The following RCBTB2 variants were observed in gnomAD, a reference collection of about 807,000 sequenced individuals.
RCBTB2 encodes the protein RCC1 and BTB domain containing protein 2, also known as RCC1 and BTB domain-containing protein 2.
RCBTB2 carries 55 observed loss-of-function variants against 65.4 expected under a neutral mutation model. The observed-to-expected ratio is 0.84, with a 90% confidence interval of 0.68 to 1.05. RCBTB2 has a LOEUF of 1.05. RCBTB2 is among the 50% of genes least tolerant of loss of function. The probability of loss-of-function intolerance (pLI) is 0.00; values close to 1 mark genes in which losing one functional copy is unlikely to be tolerated. For missense variants in RCBTB2, 599 were observed against 680.1 expected, an observed-to-expected ratio of 0.88 and a Z score of 1.33; for synonymous variants, 220 against 255.2, an observed-to-expected ratio of 0.86 and a Z score of 1.31.
chr13:48,511,600 T>C lies in RCBTB2; in HGVS notation c.783+170A>G, dbSNP rs1305855032. ...ACAGTGCCCTGGAAGAGAAATTTTC[T>C]GAACAGCTGCAATTTAATTCAAGGA... On this transcript the variant is annotated intron_variant, in intron 9 of 14. Coordinates refer to ENST00000344532, the MANE Select transcript of RCBTB2 (RefSeq NM_001268.4). Among the ~76,000 whole-genome samples the C allele has an allele frequency of 3.3e-5, 5 of 152,364 alleles. No homozygotes were observed. In the East Asian group the frequency reaches 9.6e-4, roughly 29 times the overall value.
At chr13:48,494,674 G>T (rs1198788964) in intron 14 of RCBTB2, among the ~76,000 whole-genome samples, 4 of 152,156 alleles carry the variant, frequency 2.6e-5, no homozygotes, top group Non-Finnish European at 4.4e-5. Flanking sequence ...AACACCACGT[G>T]CCACCATCTT....
At chr13:48,502,470 G>A (rs189229935) in intron 11 of RCBTB2, among the ~76,000 whole-genome samples, 1 of 151,970 alleles carries the variant, frequency 6.6e-6, no homozygotes, top group Admixed American at 6.6e-5. Flanking sequence ...TCCAGCCTGG[G>A]CAACAGAGCA....
intron 14 of RCBTB2, among the ~76,000 whole-genome samples, chr13:48,495,826 T>G (rs1949942052): frequency 6.6e-6 from 1 of 152,244 alleles, no homozygotes; most frequent in Non-Finnish European, 1.5e-5. Context: ...GTCCATTTCT[T>G]TCAACCAAAC....
intron 10 of RCBTB2, among the ~76,000 whole-genome samples, chr13:48,504,071 C>T (rs1566278014): frequency 6.6e-6 from 1 of 152,176 alleles, no homozygotes. Flanking sequence ...TCATTTACCA[C>T]TTTCTTTAGA....
At chr13:48,525,945 A>AT (rs1566332801) in intron 1 of RCBTB2, among the ~76,000 whole-genome samples, 1 of 152,098 alleles carries the variant, frequency 6.6e-6, no homozygotes, top group Non-Finnish European at 1.5e-5. Flanking sequence ...TTTGATGGGA[A>AT]TTTTTTCGTG....
At position 48,493,684 on chromosome 13, in the gene RCBTB2, G is replaced by C. The variant is rs75920133; in HGVS notation, c.1515+2507C>G. Among the ~76,000 whole-genome samples, 1,255 of 152,048 alleles carry C rather than the reference G, an allele frequency of 8.3e-3. 14 individuals are homozygous for C. Among genetic ancestry groups the C allele is most frequent in the African/African-American group, 0.029 (1,198 of 41,476 alleles). ...TCTCTGCTTGAGTCACCTGCTCACT[G>C]ATGTCTTGCCTCCCTGACCATTCTA... On this transcript the variant is annotated intron_variant, in intron 14 of 14. Transcript: ENST00000344532.
intron 10 of RCBTB2, among the ~76,000 whole-genome samples, chr13:48,505,859 C>T (rs1950475849): frequency 6.6e-6 from 1 of 152,262 alleles, no homozygotes; most frequent in East Asian, 1.9e-4. Context: ...GAGCTGAGAA[C>T]CGAAAAAGGC....
At chr13:48,498,097 C>T (rs1050086313) in intron 13 of RCBTB2, among the ~76,000 whole-genome samples, 17 of 152,184 alleles carry the variant, frequency 1.1e-4, no homozygotes, top group African/African-American at 3.9e-4. Context: ...AATGTGCAGA[C>T]CCCCTGGCCC....
Position 48,522,324 on chromosome 13 carries a change from C to T in RCBTB2, c.-40G>A. 6.5e-7 allele frequency: 1 copy of T among 1,529,030 alleles called. No individual in the cohort carries two copies. Among genetic ancestry groups the T allele is most frequent in the South Asian group, 1.2e-5 (1 of 83,912 alleles). The allele number at this position is 1,529,030 out of a possible 1,614,324, so 94.7% of individuals were successfully genotyped here. A position where few individuals can be genotyped will look rare whatever the true frequency, so the allele number is the denominator to read the frequency against. On this transcript the variant is annotated 5_prime_UTR_variant, in exon 3 of 15. Transcript: ENST00000344532. ...ATTTTAGACCTTTGTCAACTTTTCTCTGGGATTGGAAAGTTCCAAATCACG... is the reference window on the plus strand; with the variant it reads ...ATTTTAGACCTTTGTCAACTTTTCTTTGGGATTGGAAAGTTCCAAATCACG...
chr13:48,515,053 C>T (rs9331991), intron 6 of RCBTB2, 152 bp downstream of exon 6: 97,475 of 703,070 alleles, frequency 0.14, 7,621 homozygotes, highest in East Asian at 0.22. Flanking sequence ...TGCCACATCA[C>T]CTTATGCTGG....
chr13:48,507,756 G>T (rs1950577666), intron 10 of RCBTB2, among the ~76,000 whole-genome samples: 1 of 152,160 alleles, frequency 6.6e-6, no homozygotes, highest in African/African-American at 2.4e-5. Context: ...AGAAGTCAAA[G>T]AATTCTCAGA....
chr13:48,504,733 A>C (rs1950406972), intron 10 of RCBTB2, among the ~76,000 whole-genome samples: 1 of 152,266 alleles, frequency 6.6e-6, no homozygotes, highest in Non-Finnish European at 1.5e-5. Flanking sequence ...ACTCAACAAC[A>C]CAGAGCAAAG....
intron 7 of RCBTB2, 120 bp downstream of exon 7, chr13:48,512,609 T>C: frequency 1.2e-6 from 1 of 857,040 alleles, no homozygotes; most frequent in South Asian, 1.9e-5. Context: ...CTACCAAAAA[T>C]AAGGCTGAAT....
chr13:48,524,924 T>G (rs1226112152), intron 1 of RCBTB2, among the ~76,000 whole-genome samples, 167 bp from the exon 2 acceptor site: 1 of 152,148 alleles, frequency 6.6e-6, no homozygotes, highest in Admixed American at 6.5e-5. Flanking sequence ...TGCTCTATTA[T>G]AAAAATACTA....
intron 14 of RCBTB2, among the ~76,000 whole-genome samples, 159 bp from the exon 15 acceptor site, chr13:48,490,410 G>C (rs1428775805): frequency 6.6e-6 from 1 of 152,202 alleles, no homozygotes; most frequent in Non-Finnish European, 1.5e-5. Flanking sequence ...GTCATAAAAA[G>C]TATAACAAGT....
chr13:48,533,001 TC>T (rs1192078320), intron 1 of RCBTB2, 26 bp downstream of exon 1: 7 of 455,358 alleles, frequency 1.5e-5, no homozygotes, highest in Non-Finnish European at 3.1e-5. Flanking sequence ...CCCCTCGGCC[TC>T]CCACACCACT....
chr13:48,492,894 C>T (rs895390466), intron 14 of RCBTB2, among the ~76,000 whole-genome samples: 1 of 152,174 alleles, frequency 6.6e-6, no homozygotes, highest in Non-Finnish European at 1.5e-5. Context: ...CTTGCTTATC[C>T]AATTTGCTTA....
At position 48,490,019 on chromosome 13, in the gene RCBTB2, T is replaced by C; in HGVS notation, c.*92A>G. 7.3e-7 allele frequency: 1 copy of C among 1,376,882 alleles called. No homozygotes were observed. Among genetic ancestry groups the C allele is most frequent in the Non-Finnish European group, 1.0e-6 (1 of 969,890 alleles). The allele number at this position is 1,376,882 out of a possible 1,614,324, so 85.3% of individuals were successfully genotyped here. On this transcript the variant is annotated 3_prime_UTR_variant, in exon 15 of 15. Coordinates refer to ENST00000344532, the MANE Select transcript of RCBTB2 (RefSeq NM_001268.4). ...TTACAAGTACTCAGCCAAACATAGCTCATCATACATACTATTAATTAAAGA... is the reference window on the plus strand; with the variant it reads ...TTACAAGTACTCAGCCAAACATAGCCCATCATACATACTATTAATTAAAGA...
chr13:48,520,310 C>T (rs534917850), intron 4 of RCBTB2, among the ~76,000 whole-genome samples: 4 of 152,208 alleles, frequency 2.6e-5, no homozygotes, highest in South Asian at 2.1e-4. Flanking sequence ...CAATCAACTC[C>T]GTGCCCAACT....
Sources: allele counts gnomAD v4.1 joint callset (sites outside exome capture counted in the v4.1 genomes callset), GRCh38; gene constraint gnomAD v4.1.1; transcripts MANE v1.5; gene names NCBI Gene and HGNC (gene_info 2026-07-23, HGNC 2026-07-21).